The following KCNMA1 variants were observed in gnomAD, a reference collection of about 807,000 sequenced individuals.
KCNMA1 encodes Calcium-activated potassium channel subunit alpha-1.
A neutral mutation model predicts 140.0 loss-of-function variants in KCNMA1; 29 were observed. The observed-to-expected ratio is 0.21, with a 90% CI of 0.15 to 0.28. KCNMA1 has a LOEUF of 0.28. Among genes scored for constraint, KCNMA1 ranks in the 10% least tolerant of loss-of-function variants. The probability of loss-of-function intolerance (pLI) is 1.00; values close to 1 mark genes in which losing one functional copy is unlikely to be tolerated. For synonymous variants in KCNMA1, 612 were observed against 611.9 expected (o/e 1.00, Z 0.00); for missense variants, 880 against 1,602.2 (o/e 0.55, Z 7.70).
chr10:77,318,115 G>A (rs1288015880), intron 2 of KCNMA1, among the ~76,000 whole-genome samples: 4 of 152,158 alleles, frequency 2.6e-5, no homozygotes, highest in Non-Finnish European at 4.4e-5. Flanking sequence ...CTCAGTGATG[G>A]AGGTACTATT....
chr10:77,280,860 C>T (rs900560855), intron 2 of KCNMA1, among the ~76,000 whole-genome samples: 1 of 152,146 alleles, frequency 6.6e-6, no homozygotes. Context: ...TCTGCCTGGT[C>T]CCCTCATTGA....
intron 5 of KCNMA1, among the ~76,000 whole-genome samples, chr10:77,154,090 G>A (rs539840074): frequency 6.6e-5 from 10 of 152,062 alleles, no homozygotes; most frequent in South Asian, 2.1e-4. Flanking sequence ...TGCTTTTCTC[G>A]TGATAGTGAG....
chr10:77,146,701 C>CA (rs5786266), intron 5 of KCNMA1, among the ~76,000 whole-genome samples: 43 of 64,186 alleles, frequency 6.7e-4, no homozygotes, highest in South Asian at 9.7e-4. Flanking sequence ...GACTTCATCT[C>CA]AAAAAAAAAA....
At chr10:77,425,574 C>T (rs1419233134) in intron 1 of KCNMA1, among the ~76,000 whole-genome samples, 3 of 152,128 alleles carry the variant, frequency 2.0e-5, no homozygotes, top group East Asian at 3.9e-4. Context: ...CATCCCACAT[C>T]GACCCCAGAG....
intron 1 of KCNMA1, among the ~76,000 whole-genome samples, chr10:77,584,182 G>T (rs551509374): frequency 6.6e-6 from 1 of 152,250 alleles, no homozygotes; most frequent in Non-Finnish European, 1.5e-5. Context: ...AACACCGTCA[G>T]TCCACAGTGC....
At chr10:77,622,891 G>T (rs937866962) in intron 1 of KCNMA1, among the ~76,000 whole-genome samples, 2 of 152,182 alleles carry the variant, frequency 1.3e-5, no homozygotes, top group African/African-American at 4.8e-5. Flanking sequence ...AGGAATCATT[G>T]CTGTTTTCTA....
intron 5 of KCNMA1, among the ~76,000 whole-genome samples, chr10:77,153,958 T>A (rs1282209254): frequency 6.6e-6 from 1 of 152,128 alleles, no homozygotes; most frequent in Non-Finnish European, 1.5e-5. Flanking sequence ...TGTTCACAGG[T>A]GATATAGTTA....
intron 2 of KCNMA1, among the ~76,000 whole-genome samples, chr10:77,318,405 C>T (rs1368598492): frequency 6.6e-6 from 1 of 152,176 alleles, no homozygotes; most frequent in East Asian, 1.9e-4. Flanking sequence ...TTCTGAAGCT[C>T]ATGCCGCCAT....
chr10:77,563,929 AT>A (rs2067254757), intron 1 of KCNMA1, among the ~76,000 whole-genome samples: 1 of 152,124 alleles, frequency 6.6e-6, no homozygotes, highest in African/African-American at 2.4e-5. Context: ...GGCTTATCAC[AT>A]TTGTCCCACC....
At chr10:77,102,783 C>T (rs976871390) in intron 9 of KCNMA1, among the ~76,000 whole-genome samples, 1 of 152,304 alleles carries the variant, frequency 6.6e-6, no homozygotes, top group Non-Finnish European at 1.5e-5. Context: ...CTGTTTTTCT[C>T]AGTTGCAGAA....
chr10:77,471,743 G>T (rs187759538), intron 1 of KCNMA1, among the ~76,000 whole-genome samples: 1 of 143,124 alleles, frequency 7.0e-6, no homozygotes, highest in East Asian at 2.1e-4. Context: ...ACACATACAC[G>T]CATTGTCCAC....
At chr10:77,407,389 G>C (rs1479808163) in intron 1 of KCNMA1, among the ~76,000 whole-genome samples, 1 of 152,246 alleles carries the variant, frequency 6.6e-6, no homozygotes, top group Non-Finnish European at 1.5e-5. Context: ...CAGTAGCCTT[G>C]CTGGGAACAT....
intron 2 of KCNMA1, among the ~76,000 whole-genome samples, chr10:77,268,124 C>G (rs1308489826): frequency 6.6e-6 from 1 of 152,126 alleles, no homozygotes; most frequent in East Asian, 1.9e-4. Context: ...CACTTGGGTC[C>G]TTGGAGAGAG....
At chr10:77,411,219 T>C (rs1309333652) in intron 1 of KCNMA1, among the ~76,000 whole-genome samples, 1 of 152,084 alleles carries the variant, frequency 6.6e-6, no homozygotes, top group Non-Finnish European at 1.5e-5. Context: ...GTTTCATTTA[T>C]GGCTGTATCT....
At chr10:77,276,010 T>C (rs980188766) in intron 2 of KCNMA1, among the ~76,000 whole-genome samples, 5 of 152,088 alleles carry the variant, frequency 3.3e-5, no homozygotes, top group Non-Finnish European at 7.4e-5. Context: ...TCAAACGGTG[T>C]CCCCCCTTCC....
intron 1 of KCNMA1, among the ~76,000 whole-genome samples, chr10:77,406,757 C>T (rs1288952879): frequency 6.6e-6 from 1 of 152,100 alleles, no homozygotes; most frequent in African/African-American, 2.4e-5. Context: ...AAGAGGAGGG[C>T]AGGGAGATCG....
chr10:76,992,061 C>A (rs921473428), intron 19 of KCNMA1, among the ~76,000 whole-genome samples: 2 of 152,206 alleles, frequency 1.3e-5, no homozygotes, highest in Non-Finnish European at 2.9e-5. Context: ...AGGGTTTTCT[C>A]TGCAGCTCTA....
intron 2 of KCNMA1, among the ~76,000 whole-genome samples, chr10:77,287,698 G>A (rs932044146): frequency 6.6e-6 from 1 of 152,178 alleles, no homozygotes; most frequent in Non-Finnish European, 1.5e-5. Context: ...GCATGGGATG[G>A]GGAGTGCTGA....
chr10:77,618,151 T>A (rs2090209360), intron 1 of KCNMA1, among the ~76,000 whole-genome samples: 1 of 152,134 alleles, frequency 6.6e-6, no homozygotes, highest in South Asian at 2.1e-4. Flanking sequence ...CCTAGAAGAT[T>A]TCAGGTCCAC....
Sources: gnomAD v4.1 joint callset for allele counts (sites outside exome capture counted in the v4.1 genomes callset) on GRCh38, gnomAD v4.1.1 for gene constraint, MANE v1.5 for transcripts, NCBI Gene and HGNC (gene_info 2026-07-23, HGNC 2026-07-21) for gene names.